CATSPERD: variants seen among roughly 807,000 people sequenced by gnomAD.
CATSPERD encodes the protein cation channel sperm-associated auxiliary subunit delta.
CATSPERD carries 86 observed loss-of-function variants against 98.1 expected under a neutral mutation model. The ratio of observed to expected loss-of-function variants is 0.88; its 90% CI spans 0.74 to 1.05. CATSPERD has a LOEUF of 1.05. CATSPERD is among the 50% of genes least tolerant of loss of function. The pLI is 0.00. For synonymous variants in CATSPERD, 394 were observed against 390.2 expected (o/e 1.01, Z -0.12); for missense variants, 995 against 1,005.7 (o/e 0.99, Z 0.14).
At chr19:5,742,254 G>T (rs1354667870) in intron 7 of CATSPERD, among the ~76,000 whole-genome samples, 2 of 151,400 alleles carry the variant, frequency 1.3e-5, no homozygotes, top group Admixed American at 1.3e-4. Context: ...GTGAATGTGT[G>T]TGGGTGTGCG....
At position 5,766,127 on chromosome 19, in the gene CATSPERD, G is replaced by A. The variant is rs759789776; in HGVS notation, c.1531G>A (p.Asp511Asn). The A allele has an allele frequency of 8.1e-6, 13 of 1,612,826 alleles. No individual in the cohort carries two copies. Among genetic ancestry groups the A allele is most frequent in the Non-Finnish European group, 1.1e-5 (13 of 1,179,526 alleles). ...GTCGACACTGATTTCAGTTGGCTGC[G>A]ACCTGGATAAAAAGATCGTCATCCA... ...PLSTLISVGC[D>N]LDKKIVIQNK... Residue 511 changes from aspartate to asparagine, a missense_variant, in exon 17 of 22, where the codon GAC (aspartate) becomes AAC (asparagine). Physicochemically the swap from Asp to Asn is conservative, Grantham distance 23 (BLOSUM62 1). Coordinates refer to ENST00000381624, the MANE Select transcript of CATSPERD (RefSeq NM_152784.4).
chr19:5,724,353 A>T (rs1477420143), intron 1 of CATSPERD, among the ~76,000 whole-genome samples: 2 of 150,984 alleles, frequency 1.3e-5, no homozygotes, highest in African/African-American at 4.9e-5. Flanking sequence ...ATAAGCCACC[A>T]CGCCCAGCCT....
At chr19:5,748,487 T>C in intron 10 of CATSPERD, among the ~76,000 whole-genome samples, 1 of 151,306 alleles carries the variant, frequency 6.6e-6, no homozygotes, top group Admixed American at 6.6e-5. Flanking sequence ...AAAAATAAGC[T>C]GGGCGTGGTG....
intron 12 of CATSPERD, 122 bp downstream of exon 12, chr19:5,751,945 T>C: frequency 1.1e-6 from 1 of 940,860 alleles, no homozygotes; most frequent in South Asian, 2.1e-5. Context: ...GGAGGGTTGT[T>C]TGAGGCCAGG....
intron 7 of CATSPERD, among the ~76,000 whole-genome samples, chr19:5,742,554 G>A (rs2056009720): frequency 6.6e-6 from 1 of 151,964 alleles, no homozygotes; most frequent in African/African-American, 2.4e-5. Flanking sequence ...GGCCGAGGAA[G>A]GAGGATCACT....
chr19:5,777,405 G>A (rs1382617657), intron 21 of CATSPERD, among the ~76,000 whole-genome samples: 1 of 152,098 alleles, frequency 6.6e-6, no homozygotes, highest in African/African-American at 2.4e-5. Context: ...TGGATTCTGT[G>A]ACACCCCTGA....
intron 4 of CATSPERD, 96 bp downstream of exon 4, chr19:5,730,040 G>T: frequency 1.4e-6 from 1 of 735,520 alleles, no homozygotes; most frequent in Non-Finnish European, 2.3e-6. Context: ...GTTTTTATTA[G>T]TTTAGAGGTT....
chr19:5,758,083 C>A (rs1019003394), intron 14 of CATSPERD, 151 bp downstream of exon 14: 6 of 627,776 alleles, frequency 9.6e-6, no homozygotes, highest in Non-Finnish European at 1.6e-5. Flanking sequence ...AGCCGTCAAC[C>A]ACACGCTTGA....
intron 11 of CATSPERD, among the ~76,000 whole-genome samples, chr19:5,749,499 TC>T (rs1356570561): frequency 2.0e-5 from 3 of 152,266 alleles, no homozygotes; most frequent in Admixed American, 2.0e-4. Context: ...GGAATAATGG[TC>T]TTGTTCACAA....
chr19:5,740,808 G>A (rs1007756066), intron 7 of CATSPERD, among the ~76,000 whole-genome samples: 1 of 151,194 alleles, frequency 6.6e-6, no homozygotes, highest in Admixed American at 6.6e-5. Context: ...GCCGTGTAGG[G>A]ACATGGTGGC....
chr19:5,738,177 G>T (rs1438843889), intron 6 of CATSPERD, among the ~76,000 whole-genome samples: 1 of 151,876 alleles, frequency 6.6e-6, no homozygotes, highest in Admixed American at 6.6e-5. Context: ...GGAGGCTGAG[G>T]CGGGCAGATC....
intron 20 of CATSPERD, among the ~76,000 whole-genome samples, chr19:5,773,991 G>A (rs1390598163): frequency 3.5e-5 from 4 of 115,740 alleles, no homozygotes; most frequent in African/African-American, 9.2e-5. Context: ...TTTTTGAGAC[G>A]GAGCCTCACT....
chr19:5,730,816 C>T (rs936400386), intron 4 of CATSPERD, among the ~76,000 whole-genome samples: 13 of 151,108 alleles, frequency 8.6e-5, no homozygotes, highest in African/African-American at 2.7e-4. Context: ...ATTAAGACCA[C>T]GGTGAAACCC....
intron 14 of CATSPERD, 29 bp downstream of exon 14, chr19:5,757,961 G>A (rs770998103): frequency 1.4e-5 from 22 of 1,588,394 alleles, no homozygotes; most frequent in African/African-American, 2.7e-5. Context: ...AAACCCTGTC[G>A]CCTGTCCCTT....
At chr19:5,762,041 C>CATATATATATGTATAT (rs1555725314) in intron 15 of CATSPERD, among the ~76,000 whole-genome samples, 2 of 23,254 alleles carry the variant, frequency 8.6e-5, no homozygotes, top group African/African-American at 2.5e-4. Flanking sequence ...CCTGGCCTGC[C>CATATATATATGTATAT]ATATATATAT....
chr19:5,730,001 A>T, intron 4 of CATSPERD, 57 bp downstream of exon 4: 3 of 1,024,982 alleles, frequency 2.9e-6, no homozygotes, highest in South Asian at 2.9e-5. Flanking sequence ...TTTGGGGGAA[A>T]ATACAGTTCA....
At chr19:5,751,602 A>G (rs2056222834) in intron 11 of CATSPERD, 45 bp from the exon 12 acceptor site, 1 of 1,324,020 alleles carries the variant, frequency 7.6e-7, no homozygotes, top group Non-Finnish European at 9.9e-7. Context: ...AACCTCCAGA[A>G]AAACAATTAC....
At chr19:5,766,289 GAAAAA>G in intron 17 of CATSPERD, 134 bp downstream of exon 17, 1 of 241,614 alleles carries the variant, frequency 4.1e-6, no homozygotes, top group Non-Finnish European at 7.6e-6. Flanking sequence ...CGTCTCTACT[GAAAAA>G]AAAAAAAAAA....
At chr19:5,722,732 C>A (rs1309597743) in intron 1 of CATSPERD, among the ~76,000 whole-genome samples, 1 of 7,362 alleles carries the variant, frequency 1.4e-4, no homozygotes. Flanking sequence ...TTATCAAGAC[C>A]CCCCCCCCCG....
Sources: gnomAD v4.1 joint callset for allele counts (sites outside exome capture counted in the v4.1 genomes callset) on GRCh38, gnomAD v4.1.1 for gene constraint, MANE v1.5 for transcripts, NCBI Gene and HGNC (gene_info 2026-07-23, HGNC 2026-07-21) for gene names.